ARHGAP6: variants seen among roughly 807,000 people sequenced by gnomAD.
ARHGAP6 encodes rho GTPase-activating protein 6.
Under a neutral mutation model 55.7 loss-of-function variants are expected in ARHGAP6, and 16 were observed. The observed-to-expected ratio is 0.29, with a 90% CI of 0.19 to 0.44. ARHGAP6 has a LOEUF of 0.44. Among genes scored for constraint, ARHGAP6 ranks in the 20% least tolerant of loss-of-function variants. ARHGAP6 has a pLI of 1.00. For synonymous variants in ARHGAP6, 382 were observed against 360.9 expected (o/e 1.06, Z -0.66); for missense variants, 698 against 808.9 (o/e 0.86, Z 1.66).
At chrX:11,423,164 G>T (rs950455604) in intron 1 of ARHGAP6, among the ~76,000 whole-genome samples, 1 of 112,700 alleles carries the variant, frequency 8.9e-6, no homozygotes, top group African/African-American at 3.2e-5. Context: ...TATAAGTTCT[G>T]CTGAGTTTCC....
intron 1 of ARHGAP6, among the ~76,000 whole-genome samples, chrX:11,491,805 G>A (rs2050572629): frequency 9.1e-6 from 1 of 109,784 alleles, no homozygotes; most frequent in Non-Finnish European, 1.9e-5. Flanking sequence ...TTCCACAAGG[G>A]TTGAACTAGT....
At chrX:11,358,687 G>A (rs979100269) in intron 1 of ARHGAP6, among the ~76,000 whole-genome samples, 2 of 110,122 alleles carry the variant, frequency 1.8e-5, no homozygotes, top group African/African-American at 3.3e-5. Flanking sequence ...TCTCCATGTT[G>A]GTCAGGACAG....
intron 1 of ARHGAP6, among the ~76,000 whole-genome samples, chrX:11,565,263 G>GT (rs769955190): frequency 3.6e-5 from 4 of 112,014 alleles, no homozygotes; most frequent in Non-Finnish European, 7.5e-5. Flanking sequence ...GATCAGAAAT[G>GT]TTTTTCTCAG....
intron 1 of ARHGAP6, among the ~76,000 whole-genome samples, chrX:11,261,463 A>G (rs918051029): frequency 8.9e-6 from 1 of 111,862 alleles, no homozygotes; most frequent in African/African-American, 3.3e-5. Flanking sequence ...GGTCCAGACC[A>G]GCATTTTTCT....
chrX:11,402,010 G>A (rs1270361624), intron 1 of ARHGAP6, among the ~76,000 whole-genome samples: 1 of 111,795 alleles, frequency 8.9e-6, no homozygotes, highest in East Asian at 2.8e-4. Flanking sequence ...ATAACTTTAT[G>A]TACATCATTC....
chrX:11,554,670 A>G (rs1317875335), intron 1 of ARHGAP6, among the ~76,000 whole-genome samples: 1 of 112,278 alleles, frequency 8.9e-6, no homozygotes, highest in Non-Finnish European at 1.9e-5. Context: ...TCAAGAATAG[A>G]AAATATATTC....
chrX:11,303,739 C>T (rs1033697082), intron 1 of ARHGAP6, among the ~76,000 whole-genome samples: 4 of 111,471 alleles, frequency 3.6e-5, no homozygotes, highest in African/African-American at 9.8e-5. Flanking sequence ...AGCACAAAGC[C>T]GGCTTTCCAG....
At chrX:11,287,756 T>C (rs2047939170) in intron 1 of ARHGAP6, among the ~76,000 whole-genome samples, 1 of 112,562 alleles carries the variant, frequency 8.9e-6, no homozygotes, top group Non-Finnish European at 1.9e-5. Context: ...ATAGCCTCTA[T>C]GTCTATCCAA....
chrX:11,435,994 C>T (rs2049983488), intron 1 of ARHGAP6, among the ~76,000 whole-genome samples: 1 of 112,076 alleles, frequency 8.9e-6, no homozygotes, highest in African/African-American at 3.2e-5. Context: ...AATTGATTTC[C>T]ATCCAATTTT....
chrX:11,404,441 T>G (rs908376673), intron 1 of ARHGAP6, among the ~76,000 whole-genome samples: 2 of 112,349 alleles, frequency 1.8e-5, no homozygotes, highest in African/African-American at 6.5e-5. Flanking sequence ...ACATTTACAT[T>G]AAAACATAAA....
chrX:11,664,742 C>T lies in ARHGAP6; in HGVS notation c.87G>A (p.Lys29=). 1.7e-6 allele frequency: 2 copies of T among 1,199,045 alleles called. No individual in the cohort carries two copies. The highest frequency in any genetic ancestry group is 1.8e-5 in the South Asian group (1 of 54,761). The change falls in exon 1 of 13, where the codon AAG becomes AAA. Residue 29 remains lysine, a synonymous_variant. Transcript: ENST00000337414. ...SSAASAKGFS[K]RKLRQTRSLD... ...GGCTGCGGGTCTGGCGCAGCTTCCT[C>T]TTGGAGAAGCCCTTGGCCGAGGCCG...
At chrX:11,612,703 T>C (rs1479576833) in intron 1 of ARHGAP6, among the ~76,000 whole-genome samples, 1 of 112,556 alleles carries the variant, frequency 8.9e-6, no homozygotes, top group Non-Finnish European at 1.9e-5. Flanking sequence ...ACATTTCTTA[T>C]ATGGCAGCCT....
At chrX:11,380,206 TAATC>T (rs1323948973) in intron 1 of ARHGAP6, among the ~76,000 whole-genome samples, 1 of 111,777 alleles carries the variant, frequency 8.9e-6, no homozygotes, top group Non-Finnish European at 1.9e-5. Flanking sequence ...TAATTTTAGA[TAATC>T]AAACCCCAAA....
chrX:11,415,253 G>A (rs2049733367), intron 1 of ARHGAP6, among the ~76,000 whole-genome samples: 1 of 111,666 alleles, frequency 9.0e-6, no homozygotes, highest in Non-Finnish European at 1.9e-5. Flanking sequence ...AAACAGGGAC[G>A]AGTGTCGCAA....
intron 1 of ARHGAP6, among the ~76,000 whole-genome samples, chrX:11,471,635 ATAAT>A (rs765005345): frequency 1.8e-5 from 2 of 112,636 alleles, no homozygotes; most frequent in East Asian, 2.8e-4. Flanking sequence ...CTGGATGGAA[ATAAT>A]TAATTTCATA....
intron 1 of ARHGAP6, among the ~76,000 whole-genome samples, chrX:11,564,065 G>A (rs2051416236): frequency 1.8e-5 from 2 of 111,121 alleles, no homozygotes; most frequent in South Asian, 7.5e-4. Context: ...GGTCTAAAAA[G>A]TGCTTTTATT....
intron 1 of ARHGAP6, among the ~76,000 whole-genome samples, chrX:11,310,910 T>A (rs2048292813): frequency 9.0e-6 from 1 of 111,630 alleles, no homozygotes; most frequent in South Asian, 3.7e-4. Context: ...TCTGTGAGAG[T>A]TTTTTTGGAA....
chrX:11,521,740 A>C (rs1381865439), intron 1 of ARHGAP6, among the ~76,000 whole-genome samples: 1 of 110,786 alleles, frequency 9.0e-6, no homozygotes, highest in Non-Finnish European at 1.9e-5. Flanking sequence ...TCTATAAATT[A>C]CCTTGGGCAG....
At chrX:11,248,338 T>C (rs765527824) in intron 2 of ARHGAP6, among the ~76,000 whole-genome samples, 12 of 111,647 alleles carry the variant, frequency 1.1e-4, no homozygotes, top group Admixed American at 6.7e-4. Context: ...GTCTTAGAAG[T>C]AGAATGGTTG....
Sources: allele counts gnomAD v4.1 joint callset (sites outside exome capture counted in the v4.1 genomes callset), GRCh38; gene constraint gnomAD v4.1.1; transcripts MANE v1.5; gene names NCBI Gene and HGNC (gene_info 2026-07-23, HGNC 2026-07-21).